The following LMX1A variants were observed in gnomAD, a reference collection of about 807,000 sequenced individuals.
LMX1A encodes the protein LIM homeobox transcription factor 1-alpha.
Under a neutral mutation model 49.1 loss-of-function variants are expected in LMX1A, and 15 were observed. The observed-to-expected ratio is 0.31, with a 90% CI of 0.20 to 0.47. The LOEUF (loss-of-function observed/expected upper bound fraction) is 0.47, where lower values mean the gene tolerates loss of function less well. Among genes scored for constraint, LMX1A ranks in the 20% least tolerant of loss-of-function variants. The probability of loss-of-function intolerance (pLI) is 1.00; values close to 1 mark genes in which losing one functional copy is unlikely to be tolerated. For synonymous variants in LMX1A, 167 were observed against 185.7 expected, an observed-to-expected ratio of 0.90 and a Z score of 0.82; for missense variants, 372 against 475.8, an observed-to-expected ratio of 0.78 and a Z score of 2.03.
chr1:165,279,148 C>A (rs145411337), intron 3 of LMX1A, among the ~76,000 whole-genome samples: 2 of 152,220 alleles, frequency 1.3e-5, no homozygotes, highest in East Asian at 3.8e-4. Flanking sequence ...GAATTAGGAG[C>A]CTTTTCACTT....
intron 3 of LMX1A, among the ~76,000 whole-genome samples, chr1:165,255,131 C>A (rs751369275): frequency 3.3e-5 from 5 of 152,156 alleles, no homozygotes; most frequent in Non-Finnish European, 5.9e-5. Flanking sequence ...TGGAAGGCAG[C>A]AGACTCTAAA....
chr1:165,217,343 T>C (rs532631663), intron 4 of LMX1A, among the ~76,000 whole-genome samples: 1 of 152,220 alleles, frequency 6.6e-6, no homozygotes, highest in Admixed American at 6.5e-5. Context: ...CTGGGACATG[T>C]GTACATCCCC....
chr1:165,202,604 C>G lies in LMX1A; in HGVS notation c.*1276G>C, dbSNP rs998169716. ...AATGACCTCAAAAAAAAAGTAAAAACCATTCTTTGCTGGCAAGCCATAGAA... is the reference window on the plus strand; with the variant it reads ...AATGACCTCAAAAAAAAAGTAAAAAGCATTCTTTGCTGGCAAGCCATAGAA... On this transcript the variant is annotated 3_prime_UTR_variant, in exon 9 of 9. Coordinates refer to ENST00000342310, the MANE Select transcript of LMX1A (RefSeq NM_177398.4). 2 of 151,918 alleles carry G rather than the reference C, an allele frequency of 1.3e-5. No individual in the cohort carries two copies. Among genetic ancestry groups the G allele is most frequent in the East Asian group, 3.9e-4 (2 of 5,174 alleles). The allele number at this position is 151,918 out of a possible 1,614,324, so 9.4% of individuals were successfully genotyped here. A position where few individuals can be genotyped will look rare whatever the true frequency, so the allele number is the denominator to read the frequency against.
chr1:165,217,567 C>A (rs945541706), intron 4 of LMX1A, among the ~76,000 whole-genome samples: 1 of 152,194 alleles, frequency 6.6e-6, no homozygotes, highest in Non-Finnish European at 1.5e-5. Context: ...GGTTCCAGGA[C>A]CCCTGCATAT....
chr1:165,354,570 T>C (rs1656541458), intron 2 of LMX1A, among the ~76,000 whole-genome samples: 1 of 151,994 alleles, frequency 6.6e-6, no homozygotes, highest in African/African-American at 2.4e-5. Flanking sequence ...GTGCACGTGA[T>C]TTCGTTTCAT....
At chr1:165,260,179 T>C (rs1252313873) in intron 3 of LMX1A, among the ~76,000 whole-genome samples, 1 of 152,172 alleles carries the variant, frequency 6.6e-6, no homozygotes, top group East Asian at 1.9e-4. Context: ...CCTGGGACAC[T>C]CTTAAACATA....
intron 6 of LMX1A, among the ~76,000 whole-genome samples, chr1:165,208,531 T>C (rs1651195946): frequency 6.6e-6 from 1 of 152,222 alleles, no homozygotes; most frequent in Non-Finnish European, 1.5e-5. Context: ...AGGCTGTTCC[T>C]TTCCTCCTCC....
chr1:165,342,921 C>T (rs1387431154), intron 3 of LMX1A, among the ~76,000 whole-genome samples: 1 of 152,052 alleles, frequency 6.6e-6, no homozygotes, highest in Non-Finnish European at 1.5e-5. Context: ...CCAGTTTCCT[C>T]TTCCCCAACA....
At chr1:165,259,261 G>A (rs767622121) in intron 3 of LMX1A, among the ~76,000 whole-genome samples, 5 of 152,162 alleles carry the variant, frequency 3.3e-5, no homozygotes, top group Non-Finnish European at 7.4e-5. Flanking sequence ...AGAGGAAACT[G>A]AGGGTACATC....
chr1:165,290,944 CTTTT>C (rs1286333924), intron 3 of LMX1A, among the ~76,000 whole-genome samples: 1 of 152,114 alleles, frequency 6.6e-6, no homozygotes, highest in Admixed American at 6.6e-5. Flanking sequence ...TGGGAATGAA[CTTTT>C]TTATTTTAGT....
intron 4 of LMX1A, among the ~76,000 whole-genome samples, chr1:165,217,186 T>A (rs1651671509): frequency 6.6e-6 from 1 of 152,100 alleles, no homozygotes; most frequent in African/African-American, 2.4e-5. Context: ...TGTGTGCTTG[T>A]GAGAAAGCAG....
intron 3 of LMX1A, among the ~76,000 whole-genome samples, chr1:165,293,377 A>G (rs1232066386): frequency 6.6e-6 from 1 of 152,238 alleles, no homozygotes; most frequent in Non-Finnish European, 1.5e-5. Context: ...TGAACCAGGT[A>G]GTAGCAACAC....
intron 3 of LMX1A, among the ~76,000 whole-genome samples, chr1:165,270,532 G>A (rs1477198100): frequency 6.6e-6 from 1 of 152,124 alleles, no homozygotes; most frequent in East Asian, 1.9e-4. Context: ...GGGTGTAGAG[G>A]CCAAAAGCCA....
intron 3 of LMX1A, among the ~76,000 whole-genome samples, chr1:165,350,603 G>T (rs115509361): frequency 6.6e-6 from 1 of 151,802 alleles, no homozygotes; most frequent in South Asian, 2.1e-4. Flanking sequence ...ATACCAACAC[G>T]CAGACTAAGA....
Position 165,202,289 on chromosome 1 carries a change from A to G in LMX1A, c.*1591T>C, listed in dbSNP as rs1279067473. On this transcript the variant is annotated 3_prime_UTR_variant, in exon 9 of 9. Coordinates refer to ENST00000342310, the MANE Select transcript of LMX1A (RefSeq NM_177398.4). ...CCCAGGAGACTTCCTAGCACAGAAC[A>G]ATACCATCCTAGCACCGCAACTGGA... 6.5e-6 allele frequency: 1 copy of G among 152,696 alleles called. No individual in the cohort carries two copies. The highest frequency in any genetic ancestry group is 6.5e-5 in the Admixed American group (1 of 15,278). The allele number at this position is 152,696 out of a possible 1,614,324, so 9.5% of individuals were successfully genotyped here.
At chr1:165,329,480 C>G (rs1314574890) in intron 3 of LMX1A, among the ~76,000 whole-genome samples, 2 of 152,058 alleles carry the variant, frequency 1.3e-5, no homozygotes, top group African/African-American at 4.8e-5. Flanking sequence ...TGAAGGGCAA[C>G]CAGCATGACA....
intron 3 of LMX1A, among the ~76,000 whole-genome samples, chr1:165,297,956 G>A (rs1654663537): frequency 1.3e-5 from 2 of 152,264 alleles, no homozygotes; most frequent in Non-Finnish European, 2.9e-5. Flanking sequence ...GACAATGTAT[G>A]TCAAATGTCT....
rs1264328962 is a variant in LMX1A, at chr1:165,208,043, G to A, written c.817+20C>T. On this transcript the variant is annotated intron_variant, in intron 7 of 8. Transcript: ENST00000342310. ...GCCTGGATTCCAGCCAGAACTGCCT[G>A]GGAGGAGGCACCAGCTTACCAGAGC... The A allele has an allele frequency of 6.2e-7, 1 of 1,611,144 alleles. No homozygotes were observed. The highest frequency in any genetic ancestry group is 8.5e-7 in the Non-Finnish European group (1 of 1,178,084).
chr1:165,344,692 C>G (rs1459406819), intron 3 of LMX1A, among the ~76,000 whole-genome samples: 2 of 152,222 alleles, frequency 1.3e-5, no homozygotes, highest in Non-Finnish European at 2.9e-5. Context: ...CCTAAACCAC[C>G]CTGATTCTCT....
Sources: gnomAD v4.1 joint callset for allele counts (sites outside exome capture counted in the v4.1 genomes callset) on GRCh38, gnomAD v4.1.1 for gene constraint, MANE v1.5 for transcripts, NCBI Gene and HGNC (gene_info 2026-07-23, HGNC 2026-07-21) for gene names.